DPF2: variants seen among roughly 807,000 people sequenced by gnomAD.
DPF2 encodes zinc finger protein ubi-d4.
Under a neutral mutation model 59.6 loss-of-function variants are expected in DPF2, and 10 were observed. The ratio of observed to expected loss-of-function variants is 0.17; its 90% CI spans 0.10 to 0.28. The LOEUF is 0.28. Among genes scored for constraint, DPF2 ranks in the 10% least tolerant of loss-of-function variants. The pLI, the probability that DPF2 is intolerant of heterozygous loss-of-function variation, is 1.00. For missense variants in DPF2, 315 were observed against 509.4 expected (o/e 0.62, Z 3.67); for synonymous variants, 189 against 190.6 (o/e 0.99, Z 0.07).
intron 6 of DPF2, 82 bp downstream of exon 6, chr11:65,344,151 T>C: frequency 1.4e-6 from 2 of 1,451,236 alleles, no homozygotes; most frequent in South Asian, 2.3e-5. Context: ...AGGGTTGTGT[T>C]TTTGCCCAGA....
chr11:65,337,502 T>TAGAGAGAGAGAGAG (rs1371740234), intron 1 of DPF2, among the ~76,000 whole-genome samples: 1 of 33,108 alleles, frequency 3.0e-5, no homozygotes, highest in Non-Finnish European at 5.2e-5. Flanking sequence ...TATATATATA[T>TAGAGAGAGAGAGAG]ATAGAGAGAG....
At chr11:65,342,473 C>G (rs1038005830) in intron 4 of DPF2, among the ~76,000 whole-genome samples, 2 of 152,056 alleles carry the variant, frequency 1.3e-5, no homozygotes, top group African/African-American at 4.8e-5. Flanking sequence ...ACTTTTATCC[C>G]TAAGTGCTTT....
chr11:65,346,035 C>T lies in DPF2; in HGVS notation c.881C>T (p.Ser294Phe). Residue 294 changes from serine (S) to phenylalanine (F), a missense_variant, in exon 8 of 11, where the codon TCC becomes TTC. Physicochemically the swap from Ser to Phe is radical, Grantham distance 155. Around this residue, in one of 4 missense-constraint regions of DPF2, gnomAD observed 58 missense variants for 84.6 expected, o/e 0.69. Coordinates refer to ENST00000528416, the MANE Select transcript of DPF2 (RefSeq NM_006268.5). Reference protein sequence around the residue: ...KKTGQPEELVSCSDCGRSGHP... With the variant: ...KKTGQPEELVFCSDCGRSGHP... ...ACGGGACAACCCGAGGAGCTGGTGT[C>T]CTGTTCTGACTGTGGCCGCTCAGGT... 1 of 1,614,210 alleles carries T rather than the reference C, an allele frequency of 6.2e-7. No homozygotes were observed. Among genetic ancestry groups the T allele is most frequent in the Non-Finnish European group, 8.5e-7 (1 of 1,180,030 alleles).
chr11:65,334,461 G>C (rs536363675), intron 1 of DPF2, among the ~76,000 whole-genome samples: 1 of 152,274 alleles, frequency 6.6e-6, no homozygotes, highest in Non-Finnish European at 1.5e-5. Flanking sequence ...TTCTTGGGAA[G>C]AATTTATCGA....
At position 65,338,421 on chromosome 11, in the gene DPF2, G is replaced by C. The variant is rs537621143; in HGVS notation, c.33-1964G>C. The stretch of plus-strand genomic sequence containing the variant: ...TCTCTCATTCATTCCCCGCAAAACT[G>C]TTTCCAGCCTCCTTGCTCTGACTTT... On this transcript the variant is annotated intron_variant, in intron 1 of 10. Transcript: ENST00000528416. 8.5e-5 allele frequency among the ~76,000 whole-genome samples: 13 copies of C among 152,312 alleles called. No homozygotes were observed. The South Asian group carries it at 2.5e-3, about 29-fold the overall frequency.
chr11:65,342,604 A>G (rs1311823405), intron 4 of DPF2, among the ~76,000 whole-genome samples: 1 of 152,212 alleles, frequency 6.6e-6, no homozygotes, highest in African/African-American at 2.4e-5. Flanking sequence ...AGCTATAAAT[A>G]TGCCAGCATT....
chr11:65,339,627 C>T (rs979686775), intron 1 of DPF2, among the ~76,000 whole-genome samples: 4 of 152,152 alleles, frequency 2.6e-5, no homozygotes, highest in Non-Finnish European at 4.4e-5. Flanking sequence ...TGATTAAAAA[C>T]CTAGTTCAAA....
At chr11:65,336,718 G>A (rs1486152976) in intron 1 of DPF2, among the ~76,000 whole-genome samples, 1 of 149,780 alleles carries the variant, frequency 6.7e-6, no homozygotes. Context: ...GAATCCAGGA[G>A]GCAGAGGTTG....
chr11:65,337,547 A>AGGGGG (rs1251201046), intron 1 of DPF2, among the ~76,000 whole-genome samples: 1 of 131,642 alleles, frequency 7.6e-6, no homozygotes, highest in African/African-American at 2.9e-5. Context: ...AGAGAGAGAG[A>AGGGGG]ACAATGTTAA....
At position 65,346,021 on chromosome 11, in the gene DPF2, C is replaced by A; in HGVS notation, c.867C>A (p.Pro289=). Residue 289 remains proline (P), a synonymous_variant, in exon 8 of 11, where the codon CCC becomes CCA. Coordinates refer to ENST00000528416, the MANE Select transcript of DPF2 (RefSeq NM_006268.5). Reference sequence around the variant, plus strand: ...AGATTAACAAGAAGACGGGACAACCCGAGGAGCTGGTGTCCTGTTCTGACT... The same window carrying A: ...AGATTAACAAGAAGACGGGACAACCAGAGGAGCTGGTGTCCTGTTCTGACT... ...DSKINKKTGQ[P]EELVSCSDCG... is the part of the protein sequence containing the mutation. 1 of 1,614,210 alleles carries A rather than the reference C, an allele frequency of 6.2e-7. No individual in the cohort carries two copies. The highest frequency in any genetic ancestry group is 8.5e-7 in the Non-Finnish European group (1 of 1,180,038).
At chr11:65,337,538 GA>G (rs1854229843) in intron 1 of DPF2, among the ~76,000 whole-genome samples, 5 of 134,918 alleles carry the variant, frequency 3.7e-5, no homozygotes, top group South Asian at 2.4e-4. Flanking sequence ...GAGAGAGAGA[GA>G]GAGAGAGAAC....
At chr11:65,340,929 G>C in intron 2 of DPF2, 37 bp from the exon 3 acceptor site, 1 of 1,600,266 alleles carries the variant, frequency 6.2e-7, no homozygotes, top group Non-Finnish European at 8.6e-7. Context: ...TCTAATACTG[G>C]GTTAGGGCCT....
At chr11:65,342,653 G>A (rs1854406124) in intron 4 of DPF2, among the ~76,000 whole-genome samples, 1 of 152,128 alleles carries the variant, frequency 6.6e-6, no homozygotes, top group Non-Finnish European at 1.5e-5. Flanking sequence ...CCTTTAGTCT[G>A]TACAACCTTA....
chr11:65,339,076 G>C (rs1392639258), intron 1 of DPF2, among the ~76,000 whole-genome samples: 1 of 151,966 alleles, frequency 6.6e-6, no homozygotes, highest in African/African-American at 2.4e-5. Context: ...TGAGTATTAG[G>C]GATACTATGA....
intron 1 of DPF2, among the ~76,000 whole-genome samples, chr11:65,334,668 T>G (rs1343794061): frequency 6.6e-6 from 1 of 152,208 alleles, no homozygotes; most frequent in African/African-American, 2.4e-5. Context: ...TAATAGCTGT[T>G]GGGGCCATGG....
At chr11:65,344,691 C>CT in intron 6 of DPF2, 1 of 1,477,326 alleles carries the variant, frequency 6.8e-7, no homozygotes, top group African/African-American at 1.4e-5. Context: ...TTCCTCCTGC[C>CT]TTTCTCATTT....
chr11:65,353,677 A>G lies in DPF2; in HGVS notation c.*1918A>G, dbSNP rs1236944183. Among the ~76,000 whole-genome samples the G allele has an allele frequency of 2.0e-5, 3 of 152,216 alleles. No individual in the cohort carries two copies. The highest frequency in any genetic ancestry group is 7.2e-5 in the African/African-American group (3 of 41,450). On this transcript the variant is annotated 3_prime_UTR_variant, in exon 11 of 11. Transcript: ENST00000528416. Reference sequence around the variant, plus strand: ...TTGTTTTTATGTTTTTAAAGGAAAGATTTGAATCAAGCAGTTATGGGCCCC... The same window carrying G: ...TTGTTTTTATGTTTTTAAAGGAAAGGTTTGAATCAAGCAGTTATGGGCCCC...
In DPF2 at chr11:65,337,484, T is replaced by A. The variant is rs1242328058; in HGVS notation, c.33-2901T>A. Among the ~76,000 whole-genome samples the A allele has an allele frequency of 2.6e-3, 113 of 43,942 alleles. 3 individuals are homozygous for A. The highest frequency in any genetic ancestry group is 8.9e-3 in the African/African-American group (95 of 10,640). 28.8% of individuals were successfully genotyped at this position (43,942 alleles called of 152,430 possible). A position where few individuals can be genotyped will look rare whatever the true frequency, so the allele number is the denominator to read the frequency against. The stretch of plus-strand genomic sequence containing the variant: ...AAAAAAAAAAAAAAAAATATATATA[T>A]ATATATATATATATATATATAGAGA... On this transcript the variant is annotated intron_variant, in intron 1 of 10. Coordinates refer to ENST00000528416, the MANE Select transcript of DPF2 (RefSeq NM_006268.5).
Position 65,343,739 on chromosome 11 carries a change from A to G in DPF2, c.466-6A>G, listed in dbSNP as rs866089958. On this transcript the variant is annotated splice_region_variant and splice_polypyrimidine_tract_variant and intron_variant, in intron 4 of 10. Transcript: ENST00000528416. ...TCTACCCATGCTAACCCTCCTGTCC[A>G]CTCAGCGGATCCTAGAACCAGATGA... 1 of 1,590,078 alleles carries G rather than the reference A, an allele frequency of 6.3e-7. No individual in the cohort carries two copies. The highest frequency in any genetic ancestry group is 8.6e-7 in the Non-Finnish European group (1 of 1,168,554).
Sources: gnomAD v4.1 joint callset for allele counts (sites outside exome capture counted in the v4.1 genomes callset) on GRCh38, gnomAD v4.1.1 for gene constraint, gnomAD v4.1.1 regional missense constraint, MANE v1.5 for transcripts, NCBI Gene and HGNC (gene_info 2026-07-23, HGNC 2026-07-21) for gene names.